Variants in SORCS1 observed in about 807,000 individuals in gnomAD.
SORCS1 encodes sortilin related VPS10 domain containing receptor 1.
SORCS1 carries 60 observed loss-of-function variants against 146.1 expected under a neutral mutation model. The observed-to-expected ratio is 0.41, with a 90% CI of 0.33 to 0.51. The LOEUF (loss-of-function observed/expected upper bound fraction) is 0.51. Ranked by LOEUF, SORCS1 falls within the 20% of genes least tolerant of loss-of-function variation. The pLI, the probability that SORCS1 is intolerant of heterozygous loss-of-function variation, is 0.21. For missense variants in SORCS1, 1,352 were observed against 1,487.6 expected (o/e 0.91, Z 1.50); for synonymous variants, 637 against 584.0 (o/e 1.09, Z -1.31).
At chr10:106,851,910 T>C (rs970078036) in intron 2 of SORCS1, among the ~76,000 whole-genome samples, 1 of 152,226 alleles carries the variant, frequency 6.6e-6, no homozygotes, top group Admixed American at 6.5e-5. Context: ...ACAGATCTTG[T>C]GTGCGTATGT....
At chr10:106,610,434 T>C (rs1360962424) in intron 22 of SORCS1, among the ~76,000 whole-genome samples, 1 of 152,132 alleles carries the variant, frequency 6.6e-6, no homozygotes, top group African/African-American at 2.4e-5. Flanking sequence ...GGGGATTAAA[T>C]GTGTTAAAAT....
intron 1 of SORCS1, among the ~76,000 whole-genome samples, chr10:107,083,054 A>G (rs908861433): frequency 6.7e-6 from 1 of 148,400 alleles, no homozygotes; most frequent in Non-Finnish European, 1.5e-5. Context: ...GCTTGCAGTG[A>G]GCCATGATCG....
the SORCS1 span, among the ~76,000 whole-genome samples, chr10:107,177,004 G>T: frequency 3.8e-3 from 583 of 152,064 alleles, 5 homozygotes; most frequent in African/African-American, 0.013. Context: ...TTTTCGATTT[G>T]TTATTGACTT....
At chr10:107,002,133 C>T (rs1009994633) in intron 1 of SORCS1, among the ~76,000 whole-genome samples, 1 of 152,140 alleles carries the variant, frequency 6.6e-6, no homozygotes, top group Non-Finnish European at 1.5e-5. Flanking sequence ...AAAAATCATC[C>T]TATCTCATTA....
At chr10:106,679,441 C>T in intron 11 of SORCS1, 109 bp from the exon 12 acceptor site, 1 of 1,018,646 alleles carries the variant, frequency 9.8e-7, no homozygotes, top group Non-Finnish European at 1.5e-6. Flanking sequence ...AGCATTCTGT[C>T]TGTGCAGGGG....
intron 2 of SORCS1, among the ~76,000 whole-genome samples, chr10:106,906,701 G>A (rs1419150948): frequency 6.6e-6 from 1 of 151,948 alleles, no homozygotes; most frequent in East Asian, 1.9e-4. Context: ...ATCTGGGTGG[G>A]GACACAGCCA....
Position 106,887,138 on chromosome 10 carries a change from AATTAAT to A in SORCS1, c.627-57471_627-57466del, listed in dbSNP as rs545062319. ...GAGACAGTATTAATGTATTATCACTAATTAATATTAATATATTGTTTAACAACTGGC... is the reference window on the plus strand; with the variant it reads ...GAGACAGTATTAATGTATTATCACTAATTAATATATTGTTTAACAACTGGC... On this transcript the variant is annotated intron_variant, in intron 2 of 25. Transcript: ENST00000263054. Among the ~76,000 whole-genome samples the A allele has an allele frequency of 4.4e-3, 667 of 152,366 alleles. 7 individuals carry two copies. Among genetic ancestry groups the A allele is most frequent in the African/African-American group, 0.015 (631 of 41,586 alleles).
intron 1 of SORCS1, among the ~76,000 whole-genome samples, chr10:107,152,189 G>C (rs932556384): frequency 6.6e-6 from 1 of 152,208 alleles, no homozygotes; most frequent in Non-Finnish European, 1.5e-5. Context: ...TGGGTGTGCA[G>C]AAGACAAGAA....
At chr10:106,915,926 A>G (rs1952402533) in intron 2 of SORCS1, among the ~76,000 whole-genome samples, 1 of 152,198 alleles carries the variant, frequency 6.6e-6, no homozygotes, top group African/African-American at 2.4e-5. Context: ...TTCTAGGAGA[A>G]AGCCAATTGA....
intron 23 of SORCS1, among the ~76,000 whole-genome samples, chr10:106,604,094 A>G (rs1472819096): frequency 1.3e-5 from 2 of 152,212 alleles, no homozygotes; most frequent in African/African-American, 4.8e-5. Context: ...GCCTGTGGCC[A>G]TTCTTGCTTT....
intron 1 of SORCS1, among the ~76,000 whole-genome samples, chr10:106,977,225 G>A (rs568419633): frequency 6.6e-5 from 10 of 151,960 alleles, no homozygotes; most frequent in African/African-American, 1.2e-4. Flanking sequence ...TTTAATAATC[G>A]CCATTCTAAC....
chr10:106,994,772 T>C (rs186315464), intron 1 of SORCS1, among the ~76,000 whole-genome samples: 49 of 152,312 alleles, frequency 3.2e-4, no homozygotes, highest in East Asian at 5.8e-4. Flanking sequence ...CTGAATATTT[T>C]TGAAGAGAAG....
At chr10:106,770,688 G>A (rs1265937637) in intron 4 of SORCS1, among the ~76,000 whole-genome samples, 1 of 152,130 alleles carries the variant, frequency 6.6e-6, no homozygotes. Context: ...AAACAAAGCA[G>A]AATTACTTCT....
chr10:106,962,394 C>CAAAAAAAAAAAAAAAAAAAAAA (rs60616146), intron 1 of SORCS1, among the ~76,000 whole-genome samples: 6 of 62,572 alleles, frequency 9.6e-5, no homozygotes, highest in African/African-American at 2.0e-4. Flanking sequence ...AACTCCATCT[C>CAAAAAAAAAAAAAAAAAAAAAA]AAAAAAAAAA....
chr10:106,658,319 A>G (rs1850460947), intron 17 of SORCS1, among the ~76,000 whole-genome samples: 1 of 151,986 alleles, frequency 6.6e-6, no homozygotes. Flanking sequence ...ATCCTTAAAA[A>G]AAAAAAAATC....
intron 1 of SORCS1, among the ~76,000 whole-genome samples, chr10:106,980,922 G>A (rs757556172): frequency 6.6e-6 from 1 of 151,956 alleles, no homozygotes; most frequent in Non-Finnish European, 1.5e-5. Context: ...ATTCCCCAGG[G>A]GGCTTTAATT....
At chr10:106,932,588 G>A (rs12247901) in intron 2 of SORCS1, among the ~76,000 whole-genome samples, 6,745 of 152,204 alleles carry the variant, frequency 0.044, 504 homozygotes, top group African/African-American at 0.15. Context: ...GCAAGACTCA[G>A]GAAAATGAAA....
chr10:106,872,512 G>A (rs1016790012), intron 2 of SORCS1, among the ~76,000 whole-genome samples: 3 of 152,188 alleles, frequency 2.0e-5, no homozygotes, highest in Non-Finnish European at 4.4e-5. Context: ...CTTTACTAAG[G>A]TTTTAATAGA....
At chr10:107,037,561 C>CT (rs1251085515) in intron 1 of SORCS1, among the ~76,000 whole-genome samples, 1 of 152,258 alleles carries the variant, frequency 6.6e-6, no homozygotes, top group Non-Finnish European at 1.5e-5. Flanking sequence ...AACCCAGCAT[C>CT]TTTCTCATAT....
Sources: allele counts gnomAD v4.1 joint callset (sites outside exome capture counted in the v4.1 genomes callset), GRCh38; gene constraint gnomAD v4.1.1; transcripts MANE v1.5; gene names NCBI Gene and HGNC (gene_info 2026-07-23, HGNC 2026-07-21).